PDZD2: variants seen among roughly 807,000 people sequenced by gnomAD.
The protein encoded by PDZD2 is PDZ domain-containing protein 2.
In PDZD2, 90 loss-of-function variants were observed where a neutral mutation model predicts 220.7. The ratio of observed to expected loss-of-function variants is 0.41; its 90% confidence interval spans 0.34 to 0.49. The LOEUF (loss-of-function observed/expected upper bound fraction) is 0.49. Among genes scored for constraint, PDZD2 ranks in the 20% least tolerant of loss-of-function variants. The probability of loss-of-function intolerance (pLI) is 0.28; values close to 1 mark genes in which losing one functional copy is unlikely to be tolerated. For missense variants in PDZD2, 3,174 were observed against 3,608.5 expected (o/e 0.88, Z 3.08); for synonymous variants, 1,375 against 1,450.5 (o/e 0.95, Z 1.18).
intron 2 of PDZD2, chr5:31,840,442 A>ATT (rs1241268202): frequency 0.017 from 1,016 of 59,200 alleles, 75 homozygotes; most frequent in African/African-American, 0.03. Context: ...ATATATATAT[A>ATT]TATATATTTG....
At chr5:31,831,008 G>A (rs757774611) in intron 2 of PDZD2, among the ~76,000 whole-genome samples, 3 of 152,240 alleles carry the variant, frequency 2.0e-5, no homozygotes, top group African/African-American at 7.2e-5. Flanking sequence ...GGCAGTTTAC[G>A]AAGTGTGGAG....
intron 1 of PDZD2, among the ~76,000 whole-genome samples, chr5:31,676,288 C>T (rs1295606738): frequency 1.3e-5 from 2 of 152,146 alleles, no homozygotes; most frequent in African/African-American, 4.8e-5. Flanking sequence ...GTATTTCAAG[C>T]ACTCATAGGT....
At chr5:32,016,480 C>T (rs149279155) in intron 6 of PDZD2, among the ~76,000 whole-genome samples, 274 of 152,292 alleles carry the variant, frequency 1.8e-3, no homozygotes, top group Admixed American at 3.7e-3. Context: ...CAGAAAGACA[C>T]GGAGTCTGAC....
intron 1 of PDZD2, among the ~76,000 whole-genome samples, chr5:31,666,141 G>A (rs902948948): frequency 1.5e-4 from 23 of 152,194 alleles, no homozygotes; most frequent in Admixed American, 1.5e-3. Context: ...TGCCAGTTGA[G>A]GAGTGGGACA....
At chr5:31,799,790 C>A in intron 2 of PDZD2, 66 bp downstream of exon 2, 1 of 1,034,662 alleles carries the variant, frequency 9.7e-7, no homozygotes, top group Non-Finnish European at 1.5e-6. Context: ...CCCAGATCTG[C>A]AGCTGCAGAG....
intron 14 of PDZD2, among the ~76,000 whole-genome samples, chr5:32,068,328 A>C (rs544610168): frequency 2.0e-5 from 3 of 152,316 alleles, no homozygotes; most frequent in Admixed American, 6.5e-5. Context: ...GATTGCCAAA[A>C]ACAATTTTCG....
At chr5:32,016,942 AG>A (rs1753831674) in intron 6 of PDZD2, among the ~76,000 whole-genome samples, 2 of 152,300 alleles carry the variant, frequency 1.3e-5, no homozygotes, top group African/African-American at 4.8e-5. Flanking sequence ...CCATGGGGGC[AG>A]GGCCCCTGTC....
In PDZD2 at chr5:31,840,571, C is replaced by T. The variant is rs1212126611; in HGVS notation, c.476+40847C>T. 7.1e-6 allele frequency: 5 copies of T among 702,562 alleles called. No homozygotes were observed. In the Admixed American group the frequency reaches 9.6e-5, roughly 13 times the overall value. The allele number at this position is 702,562 out of a possible 1,614,324, so 43.5% of individuals were successfully genotyped here. A position where few individuals can be genotyped will look rare whatever the true frequency, so the allele number is the denominator to read the frequency against. On this transcript the variant is annotated intron_variant, in intron 2 of 24. Transcript: ENST00000438447. ...GGTTCTCACAAAATGTGCTTCTCTG[C>T]GTGGAGCAGGCTGGCACTTCAGTTG...
chr5:32,062,059 C>T (rs540688185), intron 14 of PDZD2, among the ~76,000 whole-genome samples: 2 of 152,234 alleles, frequency 1.3e-5, no homozygotes, highest in South Asian at 2.1e-4. Flanking sequence ...CCATGCCCCA[C>T]GTTAGATACT....
At chr5:31,690,923 A>G (rs1367462464) in intron 1 of PDZD2, among the ~76,000 whole-genome samples, 1 of 152,200 alleles carries the variant, frequency 6.6e-6, no homozygotes, top group Non-Finnish European at 1.5e-5. Flanking sequence ...GCCACTGCCA[A>G]TACCAACACA....
chr5:32,102,261 G>A (rs1744321266), intron 24 of PDZD2, among the ~76,000 whole-genome samples: 1 of 152,100 alleles, frequency 6.6e-6, no homozygotes, highest in Non-Finnish European at 1.5e-5. Context: ...ACTGCAGGCT[G>A]GGGCCCACCC....
intron 13 of PDZD2, 126 bp from the exon 14 acceptor site, chr5:32,060,876 A>G: frequency 2.3e-6 from 1 of 441,730 alleles, no homozygotes; most frequent in Non-Finnish European, 3.2e-6. Context: ...CAACGGGAAA[A>G]GATATGAGCT....
chr5:31,994,698 GC>G (rs1443852653), intron 3 of PDZD2, among the ~76,000 whole-genome samples: 4 of 151,932 alleles, frequency 2.6e-5, no homozygotes, highest in Non-Finnish European at 5.9e-5. Flanking sequence ...TGCTGGCCAG[GC>G]TGGTCTCAAA....
rs1204240898 is a variant in PDZD2 at position 32,109,356 on chromosome 5, AAT to A, written c.*1222_*1223del. 6.6e-6 allele frequency: 1 copy of A among 152,184 alleles called. No homozygotes were observed. The highest frequency in any genetic ancestry group is 2.4e-5 in the African/African-American group (1 of 41,436). The allele number at this position is 152,184 out of a possible 1,614,324, so 9.4% of individuals were successfully genotyped here. On this transcript the variant is annotated 3_prime_UTR_variant, in exon 25 of 25. Coordinates refer to ENST00000438447, the MANE Select transcript of PDZD2 (RefSeq NM_178140.4). ...TTTGCAATTTCCTCCTTTTGCCAAAAATGTTTTCCTACAGAAGACTGTCGTGA... is the reference window on the plus strand; with the variant it reads ...TTTGCAATTTCCTCCTTTTGCCAAAAGTTTTCCTACAGAAGACTGTCGTGA...
chr5:31,920,402 C>CT (rs1744121007), intron 2 of PDZD2, among the ~76,000 whole-genome samples: 2 of 137,278 alleles, frequency 1.5e-5, no homozygotes, highest in South Asian at 4.8e-4. Context: ...CCCCCCCCCC[C>CT]ACTGGGGTGG....
chr5:31,938,042 GA>G (rs1561132722), intron 2 of PDZD2, among the ~76,000 whole-genome samples: 3 of 152,274 alleles, frequency 2.0e-5, no homozygotes, highest in East Asian at 3.9e-4. Flanking sequence ...CCGATCTTTA[GA>G]AAAAAACATT....
intron 2 of PDZD2, among the ~76,000 whole-genome samples, chr5:31,861,448 A>G (rs983179264): frequency 5.3e-5 from 8 of 152,216 alleles, no homozygotes; most frequent in African/African-American, 1.9e-4. Context: ...TCTGATTCCA[A>G]GTAGAATTCC....
At chr5:31,693,204 G>C (rs1196625900) in intron 1 of PDZD2, among the ~76,000 whole-genome samples, 12 of 140,784 alleles carry the variant, frequency 8.5e-5, no homozygotes, top group African/African-American at 3.2e-4. Flanking sequence ...AAAGAGGACA[G>C]TCTGGGGGTG....
intron 2 of PDZD2, among the ~76,000 whole-genome samples, chr5:31,892,729 G>A (rs1200523293): frequency 3.4e-5 from 4 of 117,390 alleles, no homozygotes; most frequent in Non-Finnish European, 6.8e-5. Flanking sequence ...CACCACACCC[G>A]GCTAATTTTT....
Sources: gnomAD v4.1 joint callset for allele counts (sites outside exome capture counted in the v4.1 genomes callset) on GRCh38, gnomAD v4.1.1 for gene constraint, MANE v1.5 for transcripts, NCBI Gene and HGNC (gene_info 2026-07-23, HGNC 2026-07-21) for gene names.